PITPNB: variants seen among roughly 807,000 people sequenced by gnomAD.
PITPNB encodes phosphatidylinositol transfer protein beta.
PITPNB carries 16 observed loss-of-function variants against 45.9 expected under a neutral mutation model. The observed-to-expected ratio is 0.35, with a 90% CI of 0.24 to 0.53. The LOEUF (loss-of-function observed/expected upper bound fraction) is 0.53, where lower values mean the gene tolerates loss of function less well. Ranked by LOEUF, PITPNB falls within the 20% of genes least tolerant of loss-of-function variation. The pLI is 0.93. For missense variants in PITPNB, 188 were observed against 330.5 expected (o/e 0.57, Z 3.34); for synonymous variants, 112 against 108.9 (o/e 1.03, Z -0.18).
intron 1 of PITPNB, among the ~76,000 whole-genome samples, chr22:27,915,082 A>G (rs1235900116): frequency 6.6e-6 from 1 of 152,202 alleles, no homozygotes; most frequent in Non-Finnish European, 1.5e-5. Flanking sequence ...AAAATATTGC[A>G]TCTTATCTCT....
intron 3 of PITPNB, among the ~76,000 whole-genome samples, chr22:27,909,783 T>C (rs977821572): frequency 3.9e-5 from 6 of 152,078 alleles, no homozygotes; most frequent in African/African-American, 1.4e-4. Flanking sequence ...ACCATGTTCA[T>C]AAAAGTTTAT....
intron 6 of PITPNB, among the ~76,000 whole-genome samples, chr22:27,896,074 C>T (rs561980409): frequency 2.0e-5 from 3 of 152,342 alleles, no homozygotes; most frequent in Non-Finnish European, 4.4e-5. Context: ...TATAAGTCAA[C>T]AGCTTTTCAA....
chr22:27,895,934 G>T (rs890010530), intron 6 of PITPNB, among the ~76,000 whole-genome samples: 1 of 151,992 alleles, frequency 6.6e-6, no homozygotes, highest in African/African-American at 2.4e-5. Flanking sequence ...CTAGACCAAG[G>T]GCATCAACCT....
Position 27,853,254 on chromosome 22 carries a change from T to C in PITPNB, c.*448A>G, listed in dbSNP as rs1934076796. 1 of 207,930 alleles carries C rather than the reference T, an allele frequency of 4.8e-6. No individual in the cohort carries two copies. The highest frequency in any genetic ancestry group is 2.3e-5 in the African/African-American group (1 of 43,718). 12.9% of individuals were successfully genotyped at this position (207,930 alleles called of 1,614,324 possible). On this transcript the variant is annotated 3_prime_UTR_variant, in exon 12 of 12. Transcript: ENST00000335272. ...ATGTTGGTCCACAGCTTGACATTTA[T>C]GAAACATACCAGCTAGTATTACATT...
chr22:27,911,497 G>A (rs1410341035), intron 2 of PITPNB, among the ~76,000 whole-genome samples: 1 of 152,122 alleles, frequency 6.6e-6, no homozygotes, highest in Non-Finnish European at 1.5e-5. Context: ...AAAATTCCAA[G>A]AAAGGTATGG....
chr22:27,915,784 A>G lies in PITPNB; in HGVS notation c.21-1437T>C, dbSNP rs115091126. Among the ~76,000 whole-genome samples the G allele has an allele frequency of 6.8e-3, 1,028 of 152,286 alleles. 7 individuals are homozygous for G. Among genetic ancestry groups the G allele is most frequent in the African/African-American group, 0.022 (934 of 41,560 alleles). Reference sequence around the variant, plus strand: ...GCTCACTGTCCCAGAGCATAAAATGAGGGAGAGGAAGACTAGAAAGCTATA... The same window carrying G: ...GCTCACTGTCCCAGAGCATAAAATGGGGGAGAGGAAGACTAGAAAGCTATA... On this transcript the variant is annotated intron_variant, in intron 1 of 11. Coordinates refer to ENST00000335272, the MANE Select transcript of PITPNB (RefSeq NM_012399.5).
chr22:27,909,785 A>G (rs9625360), intron 3 of PITPNB, among the ~76,000 whole-genome samples: 5,507 of 152,062 alleles, frequency 0.036, 150 homozygotes, highest in African/African-American at 0.069. Flanking sequence ...CATGTTCATA[A>G]AAGTTTATTT....
chr22:27,897,158 A>C, intron 4 of PITPNB, 21 bp from the exon 5 acceptor site: 1 of 1,541,742 alleles, frequency 6.5e-7, no homozygotes, highest in South Asian at 1.1e-5. Context: ...ATGGAGAGGT[A>C]GGTAATGAAA....
At chr22:27,853,932 T>TA (rs1240909065) in intron 11 of PITPNB, among the ~76,000 whole-genome samples, 1 of 113,024 alleles carries the variant, frequency 8.8e-6, no homozygotes, top group South Asian at 3.5e-4. Flanking sequence ...AACAATAACT[T>TA]AAATTTTTTT....
intron 3 of PITPNB, 181 bp from the exon 4 acceptor site, chr22:27,898,073 T>C (rs1466567197): frequency 8.9e-6 from 5 of 564,384 alleles, no homozygotes; most frequent in Non-Finnish European, 1.6e-5. Context: ...ACATTTTAAA[T>C]AAAAATGATT....
chr22:27,891,524 C>T (rs939874427), intron 7 of PITPNB, among the ~76,000 whole-genome samples: 1 of 152,166 alleles, frequency 6.6e-6, no homozygotes, highest in African/African-American at 2.4e-5. Flanking sequence ...ACCCAAATCT[C>T]ATCTCAAATT....
Position 27,889,665 on chromosome 22 carries a change from TTG to T in PITPNB, c.456+4888_456+4889del, listed in dbSNP as rs559227454. Among the ~76,000 whole-genome samples, 282 of 152,312 alleles carry T rather than the reference TTG, an allele frequency of 1.9e-3. 2 individuals carry two copies. The highest frequency in any genetic ancestry group is 5.3e-3 in the Admixed American group (81 of 15,306). ...GGACCACGCTGTAAGCCTCTGCCAC[TTG>T]TTAACTACTTCATTGTACTGGGCTT... is the stretch of plus-strand genomic sequence containing the variant. On this transcript the variant is annotated intron_variant, in intron 7 of 11. Transcript: ENST00000335272.
At chr22:27,859,029 T>A (rs1014563483) in intron 9 of PITPNB, among the ~76,000 whole-genome samples, 88 of 152,340 alleles carry the variant, frequency 5.8e-4, no homozygotes, top group African/African-American at 2.0e-3. Flanking sequence ...ATTATAAATA[T>A]ATTTAAAAAC....
rs895991591 is a variant in PITPNB, at chr22:27,856,225, G to A, written c.769-1286C>T. Among the ~76,000 whole-genome samples, 5 of 152,356 alleles carry A rather than the reference G, an allele frequency of 3.3e-5. No homozygotes were observed. The South Asian group carries it at 6.2e-4, about 19-fold the overall frequency. On this transcript the variant is annotated intron_variant, in intron 10 of 11. Coordinates refer to ENST00000335272, the MANE Select transcript of PITPNB (RefSeq NM_012399.5). ...ATGATAGATTTTCCACCAGCTTTAT[G>A]AGGGGGTTAATCAGTTTCAGCAATG...
chr22:27,919,090 G>A, intron 1 of PITPNB, 82 bp downstream of exon 1: 2 of 1,609,694 alleles, frequency 1.2e-6, no homozygotes, highest in African/African-American at 1.3e-5. Flanking sequence ...CTCCGATTTA[G>A]GAATATCCTA....
At chr22:27,870,128 G>A (rs550055459) in intron 8 of PITPNB, among the ~76,000 whole-genome samples, 1 of 152,128 alleles carries the variant, frequency 6.6e-6, no homozygotes. Flanking sequence ...AACTACCACC[G>A]AATCAGGTGT....
At chr22:27,864,566 A>G (rs139180312) in intron 8 of PITPNB, among the ~76,000 whole-genome samples, 1 of 152,316 alleles carries the variant, frequency 6.6e-6, no homozygotes, top group African/African-American at 2.4e-5. Flanking sequence ...TTATTAACTG[A>G]AATACCCACT....
At chr22:27,857,462 T>C (rs2146345541) in intron 10 of PITPNB, among the ~76,000 whole-genome samples, 1 of 152,228 alleles carries the variant, frequency 6.6e-6, no homozygotes, top group Admixed American at 6.5e-5. Flanking sequence ...GCCAGAAAAA[T>C]AGGTTTCCTT....
At chr22:27,861,962 A>G (rs1934347628) in intron 8 of PITPNB, among the ~76,000 whole-genome samples, 2 of 152,214 alleles carry the variant, frequency 1.3e-5, no homozygotes, top group South Asian at 4.1e-4. Context: ...AGTCACTGCA[A>G]CACGACGGGG....
Sources: gnomAD v4.1 joint callset for allele counts (sites outside exome capture counted in the v4.1 genomes callset) on GRCh38, gnomAD v4.1.1 for gene constraint, MANE v1.5 for transcripts, NCBI Gene and HGNC (gene_info 2026-07-23, HGNC 2026-07-21) for gene names.